MCM10: variants seen among roughly 807,000 people sequenced by gnomAD.
The protein encoded by MCM10 is minichromosome maintenance 10 replication initiation factor.
A neutral mutation model predicts 109.9 loss-of-function variants in MCM10; 91 were observed. That is an observed-to-expected ratio of 0.83 (90% CI 0.70 to 0.99). The LOEUF (loss-of-function observed/expected upper bound fraction) is 0.99. MCM10 is among the 50% of genes least tolerant of loss of function. The pLI, the probability that MCM10 is intolerant of heterozygous loss-of-function variation, is 0.00. For missense variants in MCM10, 1,077 were observed against 1,061.2 expected (o/e 1.01, Z -0.21); for synonymous variants, 380 against 387.2 (o/e 0.98, Z 0.22).
intron 16 of MCM10, among the ~76,000 whole-genome samples, chr10:13,199,545 G>C (rs1160291337): frequency 1.3e-5 from 2 of 151,990 alleles, no homozygotes; most frequent in African/African-American, 4.8e-5. Context: ...TTAATAACAA[G>C]TATTTTGTAT....
chr10:13,210,714 T>A lies in MCM10; in HGVS notation c.*1404T>A, dbSNP rs1834650308. On this transcript the variant is annotated 3_prime_UTR_variant, in exon 20 of 20. Transcript: ENST00000378714. ...GTCCTAATAACTATTCTTTTAGGAG[T>A]ATACTTCTACTTTATAGAAGGTTGC... The A allele has an allele frequency of 6.6e-6, 1 of 152,182 alleles. No homozygotes were observed. The highest frequency in any genetic ancestry group is 2.1e-4 in the South Asian group (1 of 4,824). 9.4% of individuals were successfully genotyped at this position (152,182 alleles called of 1,614,324 possible).
At chr10:13,165,240 T>C (rs1457282700) in intron 2 of MCM10, among the ~76,000 whole-genome samples, 1 of 152,202 alleles carries the variant, frequency 6.6e-6, no homozygotes, top group Non-Finnish European at 1.5e-5. Flanking sequence ...GACAATATAC[T>C]GTAATAAAAG....
chr10:13,205,866 A>G (rs185142662), intron 18 of MCM10, among the ~76,000 whole-genome samples: 1 of 152,308 alleles, frequency 6.6e-6, no homozygotes, highest in Admixed American at 6.5e-5. Context: ...GGGCAACATC[A>G]GATACGGAGG....
rs1588471158 is a variant in MCM10, at chr10:13,182,720, C to T, written c.931-213C>T. On this transcript the variant is annotated intron_variant, in intron 7 of 19. Coordinates refer to ENST00000378714, the MANE Select transcript of MCM10 (RefSeq NM_018518.5). The surrounding 1 kb of genome is among the most constrained non-coding windows in gnomAD (Gnocchi z 4.2). Reference sequence around the variant, plus strand: ...CCACTGGCTTGCTTTATTTCACTTTCATCTCTAAAATGAGAAGGGTAATAG... The same window carrying T: ...CCACTGGCTTGCTTTATTTCACTTTTATCTCTAAAATGAGAAGGGTAATAG... 6.6e-6 allele frequency among the ~76,000 whole-genome samples: 1 copy of T among 152,070 alleles called. No individual in the cohort carries two copies. Among genetic ancestry groups the T allele is most frequent in the South Asian group, 2.1e-4 (1 of 4,810 alleles).
chr10:13,180,265 A>AG (rs1834193258), intron 6 of MCM10, among the ~76,000 whole-genome samples, 177 bp from the exon 7 acceptor site: 1 of 150,890 alleles, frequency 6.6e-6, no homozygotes, highest in Non-Finnish European at 1.5e-5. Flanking sequence ...AAAAAAAAAA[A>AG]GAATTATTTA....
rs772952758 is a variant in MCM10 at position 13,195,067 on chromosome 10, A to G, written c.1772A>G (p.Glu591Gly). Reference protein sequence around the residue: ...KRFLQSSSEVESPAVPSSSRQ... With the variant: ...KRFLQSSSEVGSPAVPSSSRQ... ...TTTCTGCAGAGCTCAAGTGAAGTTG[A>G]GAGCCCAGCTGTGCCATCTTCATCA... The change falls in exon 14 of 20, where the codon GAG becomes GGG. Residue 591 changes from glutamate (E) to glycine (G), a missense_variant. By Grantham distance (98) the Glu-to-Gly change is moderately conservative (BLOSUM62 -2). Transcript: ENST00000378714. 1 of 1,614,058 alleles carries G rather than the reference A, an allele frequency of 6.2e-7. No individual in the cohort carries two copies. The highest frequency in any genetic ancestry group is 8.5e-7 in the Non-Finnish European group (1 of 1,179,942).
At position 13,172,875 on chromosome 10, in the gene MCM10, A is replaced by G. The variant is rs1475278950; in HGVS notation, c.592+110A>G. On this transcript the variant is annotated intron_variant, in intron 5 of 19. Coordinates refer to ENST00000378714, the MANE Select transcript of MCM10 (RefSeq NM_018518.5). The surrounding 1 kb of genome is among the most constrained non-coding windows in gnomAD (Gnocchi z 5.2). ...GTCTTTTGGTCTGTCTTATGTCCCC[A>G]TTGAGAAAGAAAGTTTCTTGGGAAT... is the stretch of plus-strand genomic sequence containing the variant. 7.0e-6 allele frequency: 7 copies of G among 1,000,924 alleles called. No homozygotes were observed. The highest frequency in any genetic ancestry group is 1.8e-5 in the South Asian group (1 of 56,084). 62.0% of individuals were successfully genotyped at this position (1,000,924 alleles called of 1,614,324 possible). A position where few individuals can be genotyped will look rare whatever the true frequency, so the allele number is the denominator to read the frequency against.
intron 13 of MCM10, among the ~76,000 whole-genome samples, chr10:13,193,915 G>A (rs1202071084): frequency 6.6e-6 from 1 of 152,162 alleles, no homozygotes; most frequent in African/African-American, 2.4e-5. Flanking sequence ...TTGCAAGAGT[G>A]GCTGTGCGGT....
intron 1 of MCM10, among the ~76,000 whole-genome samples, chr10:13,163,652 GA>G (rs1833956642): frequency 6.6e-6 from 1 of 151,956 alleles, no homozygotes; most frequent in Non-Finnish European, 1.5e-5. Flanking sequence ...TGAATAAAAT[GA>G]AAGAATAGCC....
intron 2 of MCM10, among the ~76,000 whole-genome samples, chr10:13,168,342 T>C (rs189023442): frequency 9.3e-4 from 142 of 152,348 alleles, no homozygotes; most frequent in African/African-American, 3.3e-3. Flanking sequence ...CATCAGATTC[T>C]AGGCCTGAAG....
chr10:13,165,005 C>T (rs1022949022), intron 2 of MCM10, among the ~76,000 whole-genome samples: 4 of 152,046 alleles, frequency 2.6e-5, no homozygotes, highest in African/African-American at 9.7e-5. Flanking sequence ...TTACACTTTG[C>T]CCTTTAAAAC....
At chr10:13,209,194 C>T in intron 19 of MCM10, 33 bp from the exon 20 acceptor site, 1 of 1,601,054 alleles carries the variant, frequency 6.2e-7, no homozygotes. Context: ...TAATGTGGAA[C>T]CATCTCCTAT....
chr10:13,206,978 T>A (rs1834590590), intron 18 of MCM10, among the ~76,000 whole-genome samples: 1 of 152,090 alleles, frequency 6.6e-6, no homozygotes, highest in African/African-American at 2.4e-5. Flanking sequence ...CTAATTTTTT[T>A]AATTTACTTT....
chr10:13,181,465 G>A (rs545675912), intron 7 of MCM10, among the ~76,000 whole-genome samples: 1 of 152,258 alleles, frequency 6.6e-6, no homozygotes, highest in East Asian at 1.9e-4. Flanking sequence ...ATAAGTGGGA[G>A]CTAAATAAAT....
chr10:13,174,134 ATTTTTTTTT>A (rs139116646), intron 5 of MCM10, among the ~76,000 whole-genome samples: 9 of 75,158 alleles, frequency 1.2e-4, no homozygotes, highest in African/African-American at 2.9e-4. Context: ...CTAGTTTTGG[ATTTTTTTTT>A]TTTTTTTTTT....
At position 13,209,144 on chromosome 10, in the gene MCM10, T is replaced by A; in HGVS notation, c.2541+11T>A. 6.2e-7 allele frequency: 1 copy of A among 1,610,350 alleles called. No homozygotes were observed. Among genetic ancestry groups the A allele is most frequent in the Non-Finnish European group, 8.5e-7 (1 of 1,176,438 alleles). ...GACGGAATGCTAAAGGTATGCCATT[T>A]GCGTACTAATTTTTGACTCCTTTTA... On this transcript the variant is annotated intron_variant, in intron 19 of 19. Transcript: ENST00000378714.
chr10:13,172,424 T>C lies in MCM10; in HGVS notation c.398T>C (p.Leu133Pro), dbSNP rs775119908. 19 of 1,614,124 alleles carry C rather than the reference T, an allele frequency of 1.2e-5. No individual in the cohort carries two copies. The highest frequency in any genetic ancestry group is 1.4e-5 in the Non-Finnish European group (17 of 1,180,030). ...QEQMKALQEQ[L>P]KVTTIKQTAS... ...CAAATGAAGGCCTTACAAGAGCAGC[T>C]AAAAGTAACAACAATTAAACAGACA... The change falls in exon 4 of 20, where the codon CTA (leucine) becomes CCA (proline). Residue 133 changes from leucine to proline, a missense_variant. Leu to Pro is a moderately conservative substitution (Grantham distance 98). Coordinates refer to ENST00000378714, the MANE Select transcript of MCM10 (RefSeq NM_018518.5). The surrounding 1 kb of genome is among the most constrained non-coding windows in gnomAD (Gnocchi z 5.2).
chr10:13,195,758 C>A (rs1834412337), intron 14 of MCM10, among the ~76,000 whole-genome samples: 3 of 151,734 alleles, frequency 2.0e-5, no homozygotes, highest in Non-Finnish European at 2.9e-5. Context: ...CTACAGGCGC[C>A]TACCACCACG....
rs988567448 is a variant in MCM10, at chr10:13,161,585, G to C, written c.-97G>C. The C allele has an allele frequency of 2.6e-5, 4 of 152,384 alleles. No homozygotes were observed. The highest frequency in any genetic ancestry group is 7.2e-5 in the African/African-American group (3 of 41,472). The allele number at this position is 152,384 out of a possible 1,614,324, so 9.4% of individuals were successfully genotyped here. ...AATTTTGGCGGGTTCAGCTGTGAAC[G>C]AAGAAGGCGTCCCGGCATCGGGTGA... On this transcript the variant is annotated 5_prime_UTR_variant, in exon 1 of 20. Transcript: ENST00000378714.
Sources: gnomAD v4.1 joint callset for allele counts (sites outside exome capture counted in the v4.1 genomes callset) on GRCh38, gnomAD v4.1.1 for gene constraint, Gnocchi (gnomAD v3.1) non-coding constraint, MANE v1.5 for transcripts, NCBI Gene and HGNC (gene_info 2026-07-23, HGNC 2026-07-21) for gene names.